The following GSE1 variants were observed in gnomAD, a reference collection of about 807,000 sequenced individuals.
GSE1 encodes the protein genetic suppressor element 1.
A neutral mutation model predicts 112.6 loss-of-function variants in GSE1; 32 were observed. The observed-to-expected ratio is 0.28, with a 90% CI of 0.21 to 0.38. The LOEUF is 0.38. Among genes scored for constraint, GSE1 ranks in the 10% least tolerant of loss-of-function variants. The pLI, the probability that GSE1 is intolerant of heterozygous loss-of-function variation, is 1.00. For missense variants in GSE1, 2,348 were observed against 1,699.2 expected (o/e 1.38, Z -6.71); for synonymous variants, 1,115 against 735.6 (o/e 1.52, Z -8.35).
chr16:85,314,071 C>T (rs1483332438), intron 1 of GSE1, among the ~76,000 whole-genome samples: 1 of 151,212 alleles, frequency 6.6e-6, no homozygotes, highest in African/African-American at 2.4e-5. Context: ...GTGTATAAGA[C>T]ATAGCCATTT....
intron 1 of GSE1, among the ~76,000 whole-genome samples, chr16:85,294,624 T>TCTCA (rs2045312616): frequency 1.5e-5 from 1 of 64,588 alleles, no homozygotes; most frequent in South Asian, 6.0e-4. Flanking sequence ...TCACTCTCTC[T>TCTCA]CTCTCTCTCT....
intron 1 of GSE1, among the ~76,000 whole-genome samples, chr16:85,297,630 G>T (rs913827758): frequency 6.6e-6 from 1 of 152,122 alleles, no homozygotes; most frequent in African/African-American, 2.4e-5. Flanking sequence ...CTCCCTTGTA[G>T]CTGGGTTCAC....
intron 1 of GSE1, among the ~76,000 whole-genome samples, chr16:85,337,527 G>A (rs149426800): frequency 2.2e-5 from 3 of 138,892 alleles, no homozygotes; most frequent in Non-Finnish European, 4.8e-5. Context: ...GGATGGTCTC[G>A]ATCTCCTGAC....
intron 2 of GSE1, among the ~76,000 whole-genome samples, chr16:85,526,008 C>T (rs557700167): frequency 7.2e-5 from 11 of 152,318 alleles, no homozygotes; most frequent in African/African-American, 2.4e-4. Context: ...TGCCAGATGC[C>T]TCCAGCAAGG....
intron 15 of GSE1, among the ~76,000 whole-genome samples, chr16:85,671,312 C>T (rs888673002): frequency 6.6e-6 from 1 of 150,844 alleles, no homozygotes; most frequent in East Asian, 1.9e-4. Flanking sequence ...TAGTGGCGGG[C>T]GCCTGTAGTC....
At chr16:85,170,037 C>A (rs1465266855) in exon 1 of GSE1, 1 of 984,674 alleles carries the variant, frequency 1.0e-6, no homozygotes, top group Admixed American at 6.2e-5. Context: ...CGCGAGACTC[C>A]GACCTGTCGG....
At chr16:85,254,065 T>C (rs752090784) in intron 1 of GSE1, among the ~76,000 whole-genome samples, 2 of 152,076 alleles carry the variant, frequency 1.3e-5, no homozygotes, top group Non-Finnish European at 2.9e-5. Flanking sequence ...GTGTGGGGCA[T>C]AGCCTCAGCA....
intron 1 of GSE1, among the ~76,000 whole-genome samples, chr16:85,195,717 G>T (rs770828294): frequency 7.2e-5 from 11 of 152,204 alleles, no homozygotes; most frequent in Non-Finnish European, 1.3e-4. Flanking sequence ...ACTTAACCAC[G>T]AAGGAGAAGA....
intron 2 of GSE1, among the ~76,000 whole-genome samples, chr16:85,378,284 C>T (rs996723484): frequency 5.9e-5 from 9 of 152,166 alleles, no homozygotes; most frequent in African/African-American, 1.4e-4. Context: ...TCAGCTGGGT[C>T]GGTGTCCTCC....
intron 2 of GSE1, among the ~76,000 whole-genome samples, chr16:85,462,816 G>A (rs1285608182): frequency 1.4e-5 from 2 of 145,814 alleles, no homozygotes; most frequent in Non-Finnish European, 3.0e-5. Flanking sequence ...GCGCGGGGCC[G>A]GGGGGCGGCG....
intron 2 of GSE1, 70 bp from the exon 3 acceptor site, chr16:85,648,482 G>T: frequency 5.2e-6 from 4 of 775,108 alleles, no homozygotes; most frequent in African/African-American, 1.8e-5. Flanking sequence ...CTGGAGCCCA[G>T]GTCCCCAGCT....
chr16:85,296,990 T>A (rs2045386933), intron 1 of GSE1, among the ~76,000 whole-genome samples: 1 of 152,178 alleles, frequency 6.6e-6, no homozygotes, highest in Non-Finnish European at 1.5e-5. Context: ...CCTCACTCTG[T>A]GCCTGCTGGG....
intron 2 of GSE1, among the ~76,000 whole-genome samples, chr16:85,644,536 A>G (rs574632113): frequency 3.0e-4 from 46 of 152,260 alleles, no homozygotes; most frequent in African/African-American, 1.0e-3. Context: ...CCGTGAAGAC[A>G]CGGCTCCCAG....
intron 1 of GSE1, among the ~76,000 whole-genome samples, chr16:85,574,446 A>T (rs2046136394): frequency 6.6e-6 from 1 of 152,168 alleles, no homozygotes; most frequent in Non-Finnish European, 1.5e-5. Flanking sequence ...CTATCCCATC[A>T]AAACCCGAGG....
At chr16:85,246,434 TACACACAC>T (rs141045364) in intron 1 of GSE1, among the ~76,000 whole-genome samples, 29 of 44,454 alleles carry the variant, frequency 6.5e-4, no homozygotes, top group South Asian at 4.1e-3. Context: ...CCATGCTCTC[TACACACAC>T]ACACACACAC....
chr16:85,364,491 T>G (rs1432188848), intron 2 of GSE1, among the ~76,000 whole-genome samples: 1 of 152,170 alleles, frequency 6.6e-6, no homozygotes, highest in Non-Finnish European at 1.5e-5. Context: ...ATTTATAAAG[T>G]CAGCTGCATT....
At chr16:85,246,694 C>T (rs1375560164) in intron 1 of GSE1, among the ~76,000 whole-genome samples, 2 of 152,050 alleles carry the variant, frequency 1.3e-5, no homozygotes, top group African/African-American at 2.4e-5. Context: ...CCCTCGGAGG[C>T]CCCAGAACCC....
chr16:85,210,122 C>A (rs555960770), intron 1 of GSE1, among the ~76,000 whole-genome samples: 1 of 152,174 alleles, frequency 6.6e-6, no homozygotes, highest in African/African-American at 2.4e-5. Flanking sequence ...CAGCATAGTT[C>A]TGTGTCGTAT....
At chr16:85,586,641 G>T (rs1008413391) in intron 1 of GSE1, among the ~76,000 whole-genome samples, 3 of 151,940 alleles carry the variant, frequency 2.0e-5, no homozygotes, top group Admixed American at 1.3e-4. Flanking sequence ...CGGCCCCCGC[G>T]CCCCCCCGAC....
Sources: gnomAD v4.1 joint callset for allele counts (sites outside exome capture counted in the v4.1 genomes callset) on GRCh38, gnomAD v4.1.1 for gene constraint, MANE v1.5 for transcripts, NCBI Gene and HGNC (gene_info 2026-07-23, HGNC 2026-07-21) for gene names.